SGCE: variants seen among roughly 807,000 people sequenced by gnomAD.
The protein encoded by SGCE is sarcoglycan epsilon, also known as epsilon-sarcoglycan.
In SGCE, 26 loss-of-function variants were observed where a neutral mutation model predicts 57.8. The ratio of observed to expected loss-of-function variants is 0.45; its 90% CI spans 0.33 to 0.62. SGCE has a LOEUF of 0.62. Ranked by LOEUF, SGCE falls within the 20% of genes least tolerant of loss-of-function variation. SGCE has a pLI of 0.02. For synonymous variants in SGCE, 183 were observed against 189.5 expected (o/e 0.97, Z 0.28); for missense variants, 468 against 548.6 (o/e 0.85, Z 1.47).
At chr7:94,629,490 T>C (rs1804327588) in intron 2 of SGCE, 1 of 440,752 alleles carries the variant, frequency 2.3e-6, no homozygotes, top group African/African-American at 2.0e-5. Context: ...GACATAAAAC[T>C]CAAGACTGAG....
chr7:94,649,464 C>G (rs917611855), intron 1 of SGCE, among the ~76,000 whole-genome samples: 57 of 152,154 alleles, frequency 3.7e-4, no homozygotes, highest in African/African-American at 1.3e-3. Flanking sequence ...AGAGCCAGAG[C>G]AAGCAAGCAC....
At chr7:94,613,035 C>G (rs1172732579) in intron 5 of SGCE, among the ~76,000 whole-genome samples, 2 of 152,236 alleles carry the variant, frequency 1.3e-5, no homozygotes, top group Non-Finnish European at 2.9e-5. Context: ...CTTAATGGTG[C>G]TCCTTGAACC....
chr7:94,587,225 G>A (rs888388528), intron 10 of SGCE: 2 of 985,438 alleles, frequency 2.0e-6, no homozygotes, highest in African/African-American at 1.7e-5. Context: ...AATGTAGCAA[G>A]TTAACAAGAG....
chr7:94,628,137 T>TACACACAC (rs138881114), intron 3 of SGCE, 65 bp downstream of exon 3: 864 of 991,880 alleles, frequency 8.7e-4, no homozygotes, highest in South Asian at 1.9e-3. Context: ...CAAATTACAA[T>TACACACAC]ACACACACAC....
At chr7:94,643,690 T>G (rs1223091321) in intron 1 of SGCE, among the ~76,000 whole-genome samples, 1 of 152,170 alleles carries the variant, frequency 6.6e-6, no homozygotes, top group African/African-American at 2.4e-5. Flanking sequence ...AACTATTTAT[T>G]TTTAATTGTG....
chr7:94,628,829 C>T (rs959569839), intron 2 of SGCE: 8 of 166,764 alleles, frequency 4.8e-5, no homozygotes, highest in South Asian at 1.6e-4. Context: ...ATGAAAAAGA[C>T]GTTACAAATC....
intron 5 of SGCE, 21 bp from the exon 6 acceptor site, chr7:94,603,473 CAGGTTATCCTTTAAGA>C (rs780709842): frequency 5.0e-6 from 8 of 1,609,788 alleles, no homozygotes; most frequent in Non-Finnish European, 6.8e-6. Flanking sequence ...GTGAAACTCT[CAGGTTATCCTTTAAGA>C]AAATTGAAAA....
chr7:94,628,168 A>T (rs778669028), intron 3 of SGCE, 34 bp downstream of exon 3: 1 of 1,533,286 alleles, frequency 6.5e-7, no homozygotes, highest in Admixed American at 1.7e-5. Flanking sequence ...ACACACATAT[A>T]TGTATAGTTT....
rs1329039866 is a variant in SGCE at position 94,629,471 on chromosome 7, C to T, written c.232+248G>A. On this transcript the variant is annotated intron_variant, in intron 2 of 10. Transcript: ENST00000648936. ...TTTCCATGTGAATATAGGTAGATCA[C>T]TTGTCAGAGACATAAAACTCAAGAC... 23 of 409,078 alleles carry T rather than the reference C, an allele frequency of 5.6e-5. No homozygotes were observed. The Admixed American group carries it at 8.4e-4, about 15-fold the overall frequency. The allele number at this position is 409,078 out of a possible 1,614,324, so 25.3% of individuals were successfully genotyped here.
intron 4 of SGCE, 95 bp downstream of exon 4, chr7:94,623,230 G>T: frequency 1.4e-6 from 1 of 709,742 alleles, no homozygotes; most frequent in South Asian, 1.9e-5. Context: ...TAGGTATGTG[G>T]CATTTTAAAA....
chr7:94,605,469 A>G (rs1440346581), intron 5 of SGCE, among the ~76,000 whole-genome samples: 1 of 150,700 alleles, frequency 6.6e-6, no homozygotes, highest in East Asian at 1.9e-4. Flanking sequence ...GTATATATCT[A>G]CATATATGTT....
At chr7:94,595,468 T>G (rs959051802) in intron 9 of SGCE, among the ~76,000 whole-genome samples, 3 of 152,146 alleles carry the variant, frequency 2.0e-5, no homozygotes, top group Admixed American at 6.6e-5. Flanking sequence ...AATGATAAAT[T>G]CAGTACACTT....
At chr7:94,616,319 TAATA>T (rs1393036408) in intron 5 of SGCE, among the ~76,000 whole-genome samples, 1 of 152,198 alleles carries the variant, frequency 6.6e-6, no homozygotes, top group African/African-American at 2.4e-5. Context: ...CTGACATGTG[TAATA>T]AATAGGAAAT....
intron 5 of SGCE, among the ~76,000 whole-genome samples, chr7:94,614,359 G>A (rs1457533407): frequency 2.6e-5 from 4 of 152,116 alleles, no homozygotes; most frequent in African/African-American, 9.7e-5. Context: ...TATTCTACAA[G>A]TGTGATCTCT....
chr7:94,654,018 A>G (rs974936782), intron 1 of SGCE, among the ~76,000 whole-genome samples: 1 of 152,092 alleles, frequency 6.6e-6, no homozygotes, highest in African/African-American at 2.4e-5. Context: ...CAATCCTATG[A>G]AAAATATTTA....
chr7:94,628,860 C>G (rs1804194482), intron 2 of SGCE: 1 of 158,510 alleles, frequency 6.3e-6, no homozygotes, highest in African/African-American at 2.4e-5. Context: ...GTACTAACGA[C>G]AGCATTTATT....
chr7:94,628,426 A>T (rs1804114038), intron 2 of SGCE, 67 bp from the exon 3 acceptor site: 1 of 1,350,884 alleles, frequency 7.4e-7, no homozygotes, highest in African/African-American at 1.4e-5. Flanking sequence ...TGGTAGTTTC[A>T]ATCAAAACAT....
chr7:94,651,660 A>G (rs1807886958), intron 1 of SGCE, among the ~76,000 whole-genome samples: 1 of 152,230 alleles, frequency 6.6e-6, no homozygotes, highest in Non-Finnish European at 1.5e-5. Context: ...AACAAAGACT[A>G]GAAGGGATAC....
intron 10 of SGCE, chr7:94,587,409 T>C (rs1797052429): frequency 8.8e-7 from 1 of 1,132,128 alleles, no homozygotes. Context: ...ATGCCTGAAA[T>C]AATTAAGAAT....
Sources: allele counts gnomAD v4.1 joint callset (sites outside exome capture counted in the v4.1 genomes callset), GRCh38; gene constraint gnomAD v4.1.1; transcripts MANE v1.5; gene names NCBI Gene and HGNC (gene_info 2026-07-23, HGNC 2026-07-21).